Variants in PTPRQ observed in about 807,000 individuals in gnomAD.
PTPRQ encodes phosphatidylinositol phosphatase PTPRQ.
In PTPRQ, 199 loss-of-function variants were observed where a neutral mutation model predicts 246.0. That is an observed-to-expected ratio of 0.81 (90% CI 0.72 to 0.91). The LOEUF (loss-of-function observed/expected upper bound fraction) is 0.91, where lower values mean the gene tolerates loss of function less well. Ranked by LOEUF, PTPRQ falls within the 40% of genes least tolerant of loss-of-function variation. PTPRQ has a pLI of 0.00. For missense variants in PTPRQ, 2,624 were observed against 2,528.4 expected, an observed-to-expected ratio of 1.04 and a Z score of -0.81; for synonymous variants, 869 against 853.2, an observed-to-expected ratio of 1.02 and a Z score of -0.32.
At chr12:80,665,952 C>T (rs1227898995) in intron 39 of PTPRQ, among the ~76,000 whole-genome samples, 1 of 151,896 alleles carries the variant, frequency 6.6e-6, no homozygotes, top group African/African-American at 2.4e-5. Context: ...TAACAAATGC[C>T]AGCAAGAATG....
At chr12:80,586,370 G>A (rs567021218) in intron 25 of PTPRQ, among the ~76,000 whole-genome samples, 1 of 151,150 alleles carries the variant, frequency 6.6e-6, no homozygotes, top group South Asian at 2.1e-4. Context: ...CAGTTAGAAT[G>A]GCAATCATTA....
intron 6 of PTPRQ, among the ~76,000 whole-genome samples, chr12:80,461,582 T>C (rs1196764028): frequency 6.6e-6 from 1 of 151,084 alleles, no homozygotes; most frequent in Non-Finnish European, 1.5e-5. Context: ...GGGATATTGA[T>C]ATAGTCCCAC....
chr12:80,587,170 A>G (rs1356735242), intron 25 of PTPRQ, among the ~76,000 whole-genome samples: 2 of 152,302 alleles, frequency 1.3e-5, no homozygotes, highest in South Asian at 2.1e-4. Context: ...AGATGCTCTT[A>G]GATATTTATT....
Position 80,622,128 on chromosome 12 carries a change from A to C in PTPRQ, c.5680A>C (p.Thr1894Pro). ...CTCTGATTATTCTGACCCTGTTAAG[A>C]CTTTAGGTAAGACATTTTTGTAATT... ...TDSDYSDPVK[T>P]LGEGLSERTV... Residue 1894 changes from threonine (T) to proline (P), a missense_variant, in exon 33 of 45, where the codon ACT (threonine) becomes CCT (proline). Transcript: ENST00000644991. 2.1e-6 allele frequency: 3 copies of C among 1,430,312 alleles called. No homozygotes were observed. Among genetic ancestry groups the C allele is most frequent in the Non-Finnish European group, 2.8e-6 (3 of 1,085,738 alleles). The allele number at this position is 1,430,312 out of a possible 1,614,324, so 88.6% of individuals were successfully genotyped here.
intron 33 of PTPRQ, among the ~76,000 whole-genome samples, chr12:80,625,295 C>T (rs1899156749): frequency 6.6e-6 from 1 of 151,966 alleles, no homozygotes; most frequent in Non-Finnish European, 1.5e-5. Flanking sequence ...CTCAAACATT[C>T]CTGGTAAGCT....
At chr12:80,548,013 A>G (rs1896359742) in intron 24 of PTPRQ, among the ~76,000 whole-genome samples, 1 of 152,198 alleles carries the variant, frequency 6.6e-6, no homozygotes, top group South Asian at 2.1e-4. Flanking sequence ...CAGGAAATGC[A>G]TGTTGTGAAT....
chr12:80,626,752 G>A (rs1798658698), intron 33 of PTPRQ, among the ~76,000 whole-genome samples: 1 of 152,058 alleles, frequency 6.6e-6, no homozygotes, highest in African/African-American at 2.4e-5. Context: ...TCATTACTAT[G>A]GGTGATGTTT....
chr12:80,510,464 A>G (rs896783140), intron 17 of PTPRQ, 21 bp downstream of exon 17: 35 of 1,524,870 alleles, frequency 2.3e-5, no homozygotes, highest in Non-Finnish European at 3.0e-5. Context: ...TTTTTTTGGA[A>G]ATAGTTCTGA....
At chr12:80,489,818 A>T (rs2120632208) in intron 9 of PTPRQ, among the ~76,000 whole-genome samples, 1 of 152,112 alleles carries the variant, frequency 6.6e-6, no homozygotes, top group Admixed American at 6.6e-5. Context: ...CTTTGCTTGA[A>T]CTTCACAGTC....
At chr12:80,626,609 A>G (rs1007919389) in intron 33 of PTPRQ, among the ~76,000 whole-genome samples, 1 of 152,128 alleles carries the variant, frequency 6.6e-6, no homozygotes, top group African/African-American at 2.4e-5. Context: ...AACTTGACCA[A>G]GCTTTTTAAC....
At chr12:80,556,107 A>C (rs1896638661) in intron 25 of PTPRQ, among the ~76,000 whole-genome samples, 1 of 152,040 alleles carries the variant, frequency 6.6e-6, no homozygotes, top group Non-Finnish European at 1.5e-5. Flanking sequence ...AGCTCACTGC[A>C]ACTTCCGCCT....
chr12:80,596,858 T>C (rs141398094), intron 26 of PTPRQ, among the ~76,000 whole-genome samples: 4,604 of 152,160 alleles, frequency 0.03, 110 homozygotes, highest in Non-Finnish European at 0.043. Flanking sequence ...AGTAAATCAA[T>C]TGAGATCCAT....
At chr12:80,558,119 C>CTTTCTTTCT (rs1555197999) in intron 25 of PTPRQ, among the ~76,000 whole-genome samples, 1 of 95,680 alleles carries the variant, frequency 1.0e-5, no homozygotes, top group Non-Finnish European at 1.9e-5. Context: ...TCTTTTCTTT[C>CTTTCTTTCT]TTTCTTTTCT....
intron 17 of PTPRQ, among the ~76,000 whole-genome samples, chr12:80,512,186 GA>G (rs538281923): frequency 1.3e-5 from 2 of 152,230 alleles, no homozygotes; most frequent in African/African-American, 4.8e-5. Flanking sequence ...GATTAAGTTA[GA>G]AAAAAATTTA....
At chr12:80,661,101 A>G (rs1371705885) in intron 39 of PTPRQ, among the ~76,000 whole-genome samples, 1 of 151,780 alleles carries the variant, frequency 6.6e-6, no homozygotes, top group Non-Finnish European at 1.5e-5. Context: ...TGAAAACACA[A>G]ACACACATGC....
intron 6 of PTPRQ, among the ~76,000 whole-genome samples, chr12:80,467,084 G>C (rs189094574): frequency 6.6e-6 from 1 of 152,132 alleles, no homozygotes. Flanking sequence ...TTCAGAATGG[G>C]AGAAAATTTT....
intron 14 of PTPRQ, among the ~76,000 whole-genome samples, chr12:80,505,752 T>C (rs1894936035): frequency 1.3e-5 from 2 of 151,968 alleles, no homozygotes; most frequent in African/African-American, 4.8e-5. Context: ...GCAAGATATG[T>C]TCCTATAGTT....
intron 8 of PTPRQ, among the ~76,000 whole-genome samples, chr12:80,478,830 T>A (rs201723668): frequency 0.06 from 9,148 of 151,584 alleles, 316 homozygotes; most frequent in East Asian, 0.11. Flanking sequence ...TAGAGAAAAA[T>A]GAATAAAAAG....
chr12:80,616,946 A>C (rs1898786135), intron 30 of PTPRQ, among the ~76,000 whole-genome samples: 1 of 151,232 alleles, frequency 6.6e-6, no homozygotes, highest in Non-Finnish European at 1.5e-5. Context: ...TCTCTCTAAA[A>C]ATGTGTAATA....
Sources: allele counts gnomAD v4.1 joint callset (sites outside exome capture counted in the v4.1 genomes callset), GRCh38; gene constraint gnomAD v4.1.1; transcripts MANE v1.5; gene names NCBI Gene and HGNC (gene_info 2026-07-23, HGNC 2026-07-21).